Variants in DOCK3 observed in about 807,000 individuals in gnomAD.
DOCK3 encodes the protein dedicator of cytokinesis 3.
DOCK3 carries 60 observed loss-of-function variants against 265.6 expected under a neutral mutation model. That is an observed-to-expected ratio of 0.23 (90% CI 0.18 to 0.28). The LOEUF (loss-of-function observed/expected upper bound fraction) is 0.28. Ranked by LOEUF, DOCK3 falls within the 10% of genes least tolerant of loss-of-function variation. The pLI, the probability that DOCK3 is intolerant of heterozygous loss-of-function variation, is 1.00. For missense variants in DOCK3, 1,981 were observed against 2,594.3 expected (o/e 0.76, Z 5.14); for synonymous variants, 881 against 938.0 (o/e 0.94, Z 1.11).
intron 7 of DOCK3, among the ~76,000 whole-genome samples, chr3:51,079,786 C>T (rs1301498178): frequency 6.6e-6 from 1 of 152,104 alleles, no homozygotes; most frequent in Non-Finnish European, 1.5e-5. Context: ...TCAAAAGACA[C>T]CACAAACTAT....
rs529762760 is a variant in DOCK3, at chr3:50,975,975, G to T, written c.315+41898G>T. 6.4e-3 allele frequency among the ~76,000 whole-genome samples: 968 copies of T among 150,772 alleles called. 5 individuals carry two copies. Among genetic ancestry groups the T allele is most frequent in the African/African-American group, 0.022 (903 of 41,044 alleles). ...CTGATGGTAGTTTGTATTTCTGTGG[G>T]ATCGGTGGTGATATCCCCTTTATCA... On this transcript the variant is annotated intron_variant, in intron 5 of 52. Transcript: ENST00000266037.
At chr3:51,330,003 C>T in intron 32 of DOCK3, 135 bp from the exon 33 acceptor site, 2 of 847,898 alleles carry the variant, frequency 2.4e-6, no homozygotes, top group Non-Finnish European at 3.7e-6. Flanking sequence ...AAAATACTAC[C>T]TTCCCTGGGA....
chr3:51,053,638 G>A (rs1474897868), intron 5 of DOCK3, among the ~76,000 whole-genome samples: 5 of 151,838 alleles, frequency 3.3e-5, no homozygotes, highest in African/African-American at 4.8e-5. Flanking sequence ...AGCAAGGATG[G>A]TCTCTATCTC....
chr3:50,709,770 G>T (rs1161155042), intron 1 of DOCK3, among the ~76,000 whole-genome samples: 2 of 152,180 alleles, frequency 1.3e-5, no homozygotes, highest in African/African-American at 4.8e-5. Context: ...AGGTTTCAGT[G>T]AGCTGAGATC....
intron 5 of DOCK3, among the ~76,000 whole-genome samples, chr3:51,029,603 G>A (rs1462817975): frequency 6.6e-6 from 1 of 152,208 alleles, no homozygotes; most frequent in Non-Finnish European, 1.5e-5. Flanking sequence ...TGCCACACCT[G>A]CATTCCCTTT....
intron 9 of DOCK3, among the ~76,000 whole-genome samples, chr3:51,134,297 G>A (rs770510541): frequency 2.0e-5 from 3 of 152,172 alleles, no homozygotes; most frequent in Non-Finnish European, 4.4e-5. Flanking sequence ...TATACACCCA[G>A]CAATGGATTG....
At chr3:50,817,815 C>CT (rs2044180056) in intron 2 of DOCK3, among the ~76,000 whole-genome samples, 1 of 151,982 alleles carries the variant, frequency 6.6e-6, no homozygotes, top group Non-Finnish European at 1.5e-5. Context: ...GCTGCTGAGC[C>CT]TTAGTTTTGC....
intron 2 of DOCK3, among the ~76,000 whole-genome samples, chr3:50,816,273 T>C (rs947353579): frequency 2.0e-5 from 3 of 151,992 alleles, no homozygotes; most frequent in African/African-American, 7.2e-5. Context: ...TTTTTTTCAT[T>C]GTTTTTAGGA....
chr3:51,192,250 A>T (rs1412371172), intron 12 of DOCK3, among the ~76,000 whole-genome samples: 3 of 151,046 alleles, frequency 2.0e-5, no homozygotes, highest in African/African-American at 7.3e-5. Flanking sequence ...TTATGTGTTG[A>T]TTTTTTTGGT....
chr3:51,271,028 A>G, intron 24 of DOCK3, 21 bp downstream of exon 24: 1 of 1,603,894 alleles, frequency 6.2e-7, no homozygotes, highest in Non-Finnish European at 8.5e-7. Context: ...TTGGGATGAG[A>G]GTCCTCCTTC....
chr3:51,037,965 A>G (rs2080336009), intron 5 of DOCK3, among the ~76,000 whole-genome samples: 1 of 152,218 alleles, frequency 6.6e-6, no homozygotes, highest in African/African-American at 2.4e-5. Flanking sequence ...TAGAAAAAAG[A>G]AGGGAGAATC....
intron 3 of DOCK3, among the ~76,000 whole-genome samples, chr3:50,875,364 T>C (rs867896794): frequency 2.4e-4 from 36 of 152,212 alleles, no homozygotes; most frequent in Non-Finnish European, 7.3e-5. Context: ...GTCTTATCTT[T>C]GTCTTGTTTG....
In DOCK3 at chr3:51,361,901, T is replaced by C; in HGVS notation, c.5049T>C (p.Ser1683=). 2 of 1,613,372 alleles carry C rather than the reference T, an allele frequency of 1.2e-6. No homozygotes were observed. The highest frequency in any genetic ancestry group is 1.7e-6 in the Non-Finnish European group (2 of 1,179,698). The change falls in exon 48 of 53, where the codon TCT becomes TCC. Residue 1683 remains serine, a synonymous_variant. Transcript: ENST00000266037. The surrounding 1 kb of genome is among the most constrained non-coding windows in gnomAD (Gnocchi z 4.2). The stretch of plus-strand genomic sequence containing the variant: ...GCACAGGCCGCCATTCATCATCCTC[T>C]CTCTCCTCACATGCGTCTAGTGAAG... ...LMGTGRHSSS[S]LSSHASSEAG...
chr3:50,729,824 A>ATTTTTT (rs60842906), intron 1 of DOCK3, among the ~76,000 whole-genome samples: 30 of 109,032 alleles, frequency 2.8e-4, no homozygotes, highest in East Asian at 5.1e-4. Flanking sequence ...TCTGAATTTC[A>ATTTTTT]TTTTTTTTTT....
intron 12 of DOCK3, among the ~76,000 whole-genome samples, chr3:51,160,993 T>A (rs746242353): frequency 6.7e-6 from 1 of 148,984 alleles, no homozygotes; most frequent in Non-Finnish European, 1.5e-5. Context: ...GGAGAATTGC[T>A]TGAACCTGGG....
chr3:51,369,645 G>C (rs1439210414), intron 49 of DOCK3, among the ~76,000 whole-genome samples: 1 of 151,848 alleles, frequency 6.6e-6, no homozygotes, highest in Admixed American at 6.6e-5. Context: ...GAAGCCCACA[G>C]TAGGAGTGAT....
At chr3:50,911,171 C>A (rs1407948952) in intron 4 of DOCK3, among the ~76,000 whole-genome samples, 1 of 151,980 alleles carries the variant, frequency 6.6e-6, no homozygotes, top group Non-Finnish European at 1.5e-5. Flanking sequence ...TGTTATCATC[C>A]CATTTGTCTG....
intron 27 of DOCK3, among the ~76,000 whole-genome samples, chr3:51,285,371 A>G (rs2081349712): frequency 6.6e-6 from 1 of 152,106 alleles, no homozygotes; most frequent in African/African-American, 2.4e-5. Flanking sequence ...TAGGTATGTG[A>G]TCATCCAACA....
Position 51,348,864 on chromosome 3 carries a change from G to T in DOCK3, c.3928G>T (p.Gly1310Trp). The T allele has an allele frequency of 6.3e-7, 1 of 1,580,644 alleles. No individual in the cohort carries two copies. ...YFNKGKSWEF[G>W]IPLCRELACQ... ...GTTTCTGACACAGAGCTGGGAGTTT[G>T]GGATCCCACTGTGCAGGGAGCTGGC... The change falls in exon 39 of 53, where the codon GGG (glycine) becomes TGG (tryptophan). Residue 1310 changes from glycine (G) to tryptophan (W), a missense_variant. Around this residue, in one of 4 missense-constraint regions of DOCK3, gnomAD observed 1,357 missense variants for 1,866.8 expected, o/e 0.73. Transcript: ENST00000266037.
Sources: gnomAD v4.1 joint callset for allele counts (sites outside exome capture counted in the v4.1 genomes callset) on GRCh38, gnomAD v4.1.1 for gene constraint, gnomAD v4.1.1 regional missense constraint, Gnocchi (gnomAD v3.1) non-coding constraint, MANE v1.5 for transcripts, NCBI Gene and HGNC (gene_info 2026-07-23, HGNC 2026-07-21) for gene names.